Variants in SEC16A observed in about 807,000 individuals in gnomAD.
SEC16A encodes SEC16 homolog A, endoplasmic reticulum export factor.
SEC16A carries 110 observed loss-of-function variants against 221.9 expected under a neutral mutation model. The observed-to-expected ratio is 0.50, with a 90% CI of 0.42 to 0.58. The LOEUF is 0.58. SEC16A is among the 20% of genes least tolerant of loss of function. The pLI, the probability that SEC16A is intolerant of heterozygous loss-of-function variation, is 0.00. For synonymous variants in SEC16A, 1,393 were observed against 1,257.7 expected (o/e 1.11, Z -2.28); for missense variants, 3,165 against 3,097.8 (o/e 1.02, Z -0.52).
intron 18 of SEC16A, 71 bp downstream of exon 18, chr9:136,457,373 C>T (rs984408466): frequency 5.4e-5 from 82 of 1,506,464 alleles, no homozygotes; most frequent in East Asian, 1.2e-4. Context: ...CCCCCATGCC[C>T]GGGGGCTCTG....
At chr9:136,470,424 C>A (rs1840707112) in intron 4 of SEC16A, among the ~76,000 whole-genome samples, 1 of 152,242 alleles carries the variant, frequency 6.6e-6, no homozygotes. Context: ...GGCTGTCTCT[C>A]CTCCGTGCTC....
At position 136,443,725 on chromosome 9, in the gene SEC16A, A is replaced by C. The variant is rs1248232791; in HGVS notation, c.7005+98T>G. On this transcript the variant is annotated intron_variant, in intron 31 of 31. Transcript: ENST00000684901. ...AATATATTTTTTAAAAAGAAAGAAAAAGAGGATCTAGGGCAGAAAGCTGCC... is the reference window on the plus strand; with the variant it reads ...AATATATTTTTTAAAAAGAAAGAAACAGAGGATCTAGGGCAGAAAGCTGCC... 9.0e-6 allele frequency: 7 copies of C among 781,930 alleles called. No individual in the cohort carries two copies. The Admixed American group carries it at 1.7e-4, about 19-fold the overall frequency. 48.4% of individuals were successfully genotyped at this position (781,930 alleles called of 1,614,324 possible). A position where few individuals can be genotyped will look rare whatever the true frequency, so the allele number is the denominator to read the frequency against.
Position 136,477,441 on chromosome 9 carries a change from T to A in SEC16A, c.175A>T (p.Arg59Ter). The A allele has an allele frequency of 6.2e-7, 1 of 1,614,040 alleles. No individual in the cohort carries two copies. Among genetic ancestry groups the A allele is most frequent in the South Asian group, 1.1e-5 (1 of 91,092 alleles). ...AGTGGTGTACTTTGGAGCGCCTGTCTACTAAAAGCAAATGGATCCGTGACC... is the reference window on the plus strand; with the variant it reads ...AGTGGTGTACTTTGGAGCGCCTGTCAACTAAAAGCAAATGGATCCGTGACC... ...QPVTDPFAFS[R>*]QALQSTPLGS... The change falls in exon 3 of 32, where the codon AGA becomes TGA. Residue 59 changes from arginine (R) to a stop codon, truncating the protein, a stop_gained. Coordinates refer to ENST00000684901, the MANE Select transcript of SEC16A (RefSeq NM_014866.2). LOFTEE classifies it high-confidence loss of function.
At chr9:136,444,132 C>G in intron 30 of SEC16A, 1 of 414,250 alleles carries the variant, frequency 2.4e-6, no homozygotes, top group South Asian at 2.6e-5. Flanking sequence ...CCGGAACATG[C>G]AATGGGAAGG....
At position 136,477,070 on chromosome 9, in the gene SEC16A, G is replaced by T; in HGVS notation, c.546C>A (p.Leu182=). 1 of 1,613,802 alleles carries T rather than the reference G, an allele frequency of 6.2e-7. No individual in the cohort carries two copies. Among genetic ancestry groups the T allele is most frequent in the East Asian group, 2.2e-5 (1 of 44,870 alleles). Residue 182 remains leucine, a synonymous_variant, in exon 3 of 32, where the codon CTC becomes CTA. Transcript: ENST00000684901. ...GGTTTTGCCTGCTCAGGGGTCGGTCGAGCCCAGGCATGTTCCCATGAGGGT... is the reference window on the plus strand; with the variant it reads ...GGTTTTGCCTGCTCAGGGGTCGGTCTAGCCCAGGCATGTTCCCATGAGGGT... ...GGHPHGNMPG[L]DRPLSRQNPH...
At chr9:136,451,130 C>T (rs753154225) in intron 23 of SEC16A, 126 bp downstream of exon 23, 4 of 973,186 alleles carry the variant, frequency 4.1e-6, no homozygotes, top group Non-Finnish European at 3.1e-6. Context: ...GCACTGTAGA[C>T]ACTCGGCTGT....
chr9:136,452,928 G>A (rs1212625881), intron 22 of SEC16A, among the ~76,000 whole-genome samples: 10 of 148,822 alleles, frequency 6.7e-5, no homozygotes, highest in South Asian at 2.1e-4. Context: ...AAAACTAGCC[G>A]GGCATGGTGG....
rs1353247741 is a variant in SEC16A at position 136,474,179 on chromosome 9, G to A, written c.3437C>T (p.Ala1146Val). The A allele has an allele frequency of 1.2e-6, 2 of 1,612,874 alleles. No individual in the cohort carries two copies. The highest frequency in any genetic ancestry group is 1.7e-6 in the Non-Finnish European group (2 of 1,179,814). The part of the protein sequence containing the change: ...SEQPWPQPVP[A>V]LAPGPPPQDL... ...CTGAGGCGGTGGGCCGGGGGCAAGTGCAGGCACTGGCTGTGGCCACGGCTG... is the reference window on the plus strand; with the variant it reads ...CTGAGGCGGTGGGCCGGGGGCAAGTACAGGCACTGGCTGTGGCCACGGCTG... The change falls in exon 3 of 32, where the codon GCA becomes GTA. Residue 1146 changes from alanine (A) to valine (V), a missense_variant. Ala to Val is a moderately conservative substitution (Grantham distance 64). Transcript: ENST00000684901.
upstream of SEC16A, among the ~76,000 whole-genome samples, chr9:136,483,319 T>G: frequency 9.5e-6 from 1 of 105,244 alleles, no homozygotes; most frequent in African/African-American, 3.7e-5. Flanking sequence ...TATCCTGTAG[T>G]TCCCGCTCCC....
chr9:136,476,098 G>T lies in SEC16A; in HGVS notation c.1518C>A (p.Thr506=). 6.2e-7 allele frequency: 1 copy of T among 1,613,580 alleles called. No homozygotes were observed. Among genetic ancestry groups the T allele is most frequent in the Non-Finnish European group, 8.5e-7 (1 of 1,179,856 alleles). The change falls in exon 3 of 32, where the codon ACC becomes ACA. Residue 506 remains threonine (T), a synonymous_variant. Transcript: ENST00000684901. ...TATGCAGTGTGGCATCAGGGGCTCCGGTGTGGCACACAGCACCATGCCTGG... is the reference window on the plus strand; with the variant it reads ...TATGCAGTGTGGCATCAGGGGCTCCTGTGTGGCACACAGCACCATGCCTGG... ...AVPRHGAVCH[T]GAPDATLHTV...
At chr9:136,461,750 A>G (rs1203161472) in intron 12 of SEC16A, among the ~76,000 whole-genome samples, 2 of 152,198 alleles carry the variant, frequency 1.3e-5, no homozygotes, top group Non-Finnish European at 2.9e-5. Flanking sequence ...CAGTAGAGAA[A>G]GATGTTAATA....
At chr9:136,471,462 A>G (rs780907003) in intron 4 of SEC16A, among the ~76,000 whole-genome samples, 3 of 152,130 alleles carry the variant, frequency 2.0e-5, no homozygotes, top group Non-Finnish European at 4.4e-5. Context: ...CAACAGAGTG[A>G]GACCTGCCTT....
chr9:136,445,151 G>A (rs1277656798), intron 29 of SEC16A, 40 bp from the exon 30 acceptor site: 1 of 1,547,578 alleles, frequency 6.5e-7, no homozygotes, highest in Non-Finnish European at 8.8e-7. Context: ...ACGGACGAAA[G>A]TCAACATGCA....
Position 136,463,681 on chromosome 9 carries a change from G to C in SEC16A, c.4506C>G (p.Ala1502=), listed in dbSNP as rs369165771. Residue 1502 remains alanine, a splice_region_variant and synonymous_variant, in exon 10 of 32, where the codon GCC becomes GCG. Transcript: ENST00000684901. ...AAATGCCTCAACAAGGAACATACTT[G>C]GCCAGGGGTCCCGGGAACGCCCGCA... ...EEMRAFPGPL[A]KDDTHKVDVI... The C allele has an allele frequency of 2.2e-5, 35 of 1,613,268 alleles. No individual in the cohort carries two copies. The highest frequency in any genetic ancestry group is 2.9e-5 in the Non-Finnish European group (34 of 1,179,744).
In SEC16A at chr9:136,441,136, T is replaced by C. The variant is rs1212966059; in HGVS notation, c.*619A>G. The stretch of plus-strand genomic sequence containing the variant: ...TCTTTGCAACAGGAAAGAAATTCAC[T>C]GCAGTAACTAAGGCCTCTCTCAAAA... On this transcript the variant is annotated 3_prime_UTR_variant, in exon 32 of 32. Transcript: ENST00000684901. 6.5e-6 allele frequency: 1 copy of C among 152,802 alleles called. No homozygotes were observed. Among genetic ancestry groups the C allele is most frequent in the African/African-American group, 2.4e-5 (1 of 41,464 alleles). 9.5% of individuals were successfully genotyped at this position (152,802 alleles called of 1,614,324 possible).
Position 136,455,737 on chromosome 9 carries a change from A to G in SEC16A, c.5721T>C (p.Thr1907=). The part of the protein sequence containing the change: ...DGALPQQCPG[T]PSSEMEQLDR... ...CCAACTGCTCCATCTCGGAACTCGG[A>G]GTGCCAGGACACTGCTGCGGGAGGG... The change falls in exon 20 of 32, where the codon ACT becomes ACC. Residue 1907 remains threonine, a synonymous_variant. Transcript: ENST00000684901. 1.3e-6 allele frequency: 2 copies of G among 1,598,776 alleles called. No individual in the cohort carries two copies. Among genetic ancestry groups the G allele is most frequent in the East Asian group, 2.3e-5 (1 of 43,950 alleles).
intron 18 of SEC16A, 25 bp from the exon 19 acceptor site, chr9:136,456,191 C>G: frequency 6.4e-7 from 1 of 1,561,802 alleles, no homozygotes; most frequent in Non-Finnish European, 8.8e-7. Context: ...AAATCAAAGG[C>G]CCCTGTCACC....
At chr9:136,472,784 G>A (rs953870203) in intron 3 of SEC16A, among the ~76,000 whole-genome samples, 2 of 152,254 alleles carry the variant, frequency 1.3e-5, no homozygotes, top group African/African-American at 2.4e-5. Context: ...TCAAGGCCTC[G>A]ACGCTGCCGC....
chr9:136,441,221 G>C lies in SEC16A; in HGVS notation c.*534C>G, dbSNP rs1836153473. On this transcript the variant is annotated 3_prime_UTR_variant, in exon 32 of 32. Coordinates refer to ENST00000684901, the MANE Select transcript of SEC16A (RefSeq NM_014866.2). ...CTCGGAGGCGCTGATTGAGAACACA[G>C]CGCCCTCCACTCATTCAGCCAGGTT... The C allele has an allele frequency of 6.4e-6, 1 of 155,534 alleles. No individual in the cohort carries two copies. Among genetic ancestry groups the C allele is most frequent in the Non-Finnish European group, 1.4e-5 (1 of 69,722 alleles). The allele number at this position is 155,534 out of a possible 1,614,324, so 9.6% of individuals were successfully genotyped here. A position where few individuals can be genotyped will look rare whatever the true frequency, so the allele number is the denominator to read the frequency against.
Sources: allele counts gnomAD v4.1 joint callset (sites outside exome capture counted in the v4.1 genomes callset), GRCh38; gene constraint gnomAD v4.1.1; transcripts MANE v1.5; gene names NCBI Gene and HGNC (gene_info 2026-07-23, HGNC 2026-07-21).